The following CABIN1 variants were observed in gnomAD, a reference collection of about 807,000 sequenced individuals.
The protein encoded by CABIN1 is calcineurin-binding protein cabin-1.
A neutral mutation model predicts 227.7 loss-of-function variants in CABIN1; 133 were observed. The ratio of observed to expected loss-of-function variants is 0.58; its 90% CI spans 0.51 to 0.67. The LOEUF is 0.67. CABIN1 is among the 30% of genes least tolerant of loss of function. The probability of loss-of-function intolerance (pLI) is 0.00; values close to 1 mark genes in which losing one functional copy is unlikely to be tolerated. For synonymous variants in CABIN1, 1,086 were observed against 1,155.1 expected, an observed-to-expected ratio of 0.94 and a Z score of 1.21; for missense variants, 2,408 against 2,852.5, an observed-to-expected ratio of 0.84 and a Z score of 3.55.
At chr22:24,135,583 G>C (rs555316660) in intron 29 of CABIN1, among the ~76,000 whole-genome samples, 27 of 152,220 alleles carry the variant, frequency 1.8e-4, no homozygotes, top group Non-Finnish European at 3.1e-4. Context: ...CCTCTGTCCT[G>C]CATGGAGACA....
intron 12 of CABIN1, 63 bp from the exon 13 acceptor site, chr22:24,061,884 A>C: frequency 1.7e-6 from 2 of 1,176,952 alleles, no homozygotes; most frequent in East Asian, 4.7e-5. Flanking sequence ...ACAGCCCCCT[A>C]CCCCCCACAC....
chr22:24,051,018 G>C, intron 8 of CABIN1, 44 bp downstream of exon 8: 1 of 1,612,676 alleles, frequency 6.2e-7, no homozygotes, highest in Non-Finnish European at 8.5e-7. Flanking sequence ...CGGCCAGTAG[G>C]CCCTGTTGTG....
chr22:24,114,496 A>C (rs140275993), intron 27 of CABIN1, among the ~76,000 whole-genome samples: 262 of 152,332 alleles, frequency 1.7e-3, no homozygotes, highest in African/African-American at 6.2e-3. Flanking sequence ...GGTTCTCCCA[A>C]GCACCCTAGA....
At chr22:24,145,856 G>A (rs746082452) in intron 29 of CABIN1, among the ~76,000 whole-genome samples, 34 of 152,204 alleles carry the variant, frequency 2.2e-4, no homozygotes, top group Non-Finnish European at 4.3e-4. Context: ...ATGTCATCTG[G>A]TTTTCAGAAG....
intron 26 of CABIN1, among the ~76,000 whole-genome samples, chr22:24,108,513 C>A (rs1416633468): frequency 6.6e-6 from 1 of 152,216 alleles, no homozygotes; most frequent in Non-Finnish European, 1.5e-5. Context: ...CTGGTCAGGT[C>A]TGTGCTCCTC....
chr22:24,064,002 T>C (rs1569151751), intron 14 of CABIN1, 33 bp from the exon 15 acceptor site: 3 of 1,613,660 alleles, frequency 1.9e-6, no homozygotes, highest in Non-Finnish European at 2.5e-6. Context: ...AGTCTTCTGC[T>C]TTGGTTCCCT....
In CABIN1 at chr22:24,067,157, G is replaced by A. The variant is rs1422027453; in HGVS notation, c.2208G>A (p.Arg736=). Residue 736 remains arginine, a synonymous_variant, in exon 16 of 37, where the codon AGG becomes AGA. Transcript: ENST00000263119. ...HLEFMTSIPE[R]PAQLLLLQDS... ...AGTTTATGACTTCCATTCCTGAGAG[G>A]CCAGCCCAGCTGCTTCTTCTGCAGG... 1 of 1,614,226 alleles carries A rather than the reference G, an allele frequency of 6.2e-7. No homozygotes were observed. Among genetic ancestry groups the A allele is most frequent in the South Asian group, 1.1e-5 (1 of 91,088 alleles).
chr22:24,059,504 C>T, intron 11 of CABIN1, 141 bp downstream of exon 11: 2 of 1,040,470 alleles, frequency 1.9e-6, no homozygotes, highest in Non-Finnish European at 1.4e-6. Context: ...AGTCTTGGAC[C>T]TAAGCCCTGT....
intron 19 of CABIN1, among the ~76,000 whole-genome samples, chr22:24,079,738 C>T (rs2040686281): frequency 6.6e-6 from 1 of 152,096 alleles, no homozygotes; most frequent in Non-Finnish European, 1.5e-5. Flanking sequence ...GCCCATCTTT[C>T]TAGTGGTTTG....
At chr22:24,114,374 G>A (rs934411657) in intron 27 of CABIN1, among the ~76,000 whole-genome samples, 25 of 152,018 alleles carry the variant, frequency 1.6e-4, no homozygotes, top group Non-Finnish European at 2.4e-4. Flanking sequence ...CTATAGATTT[G>A]AGAGCTTTCC....
At chr22:24,114,052 T>C (rs2042949256) in intron 27 of CABIN1, among the ~76,000 whole-genome samples, 1 of 146,138 alleles carries the variant, frequency 6.8e-6, no homozygotes, top group South Asian at 2.2e-4. Flanking sequence ...ATCAGTGTGC[T>C]CTGTTTTTGT....
rs1601910235 is a variant in CABIN1 at position 24,071,255 on chromosome 22, T to C, written c.2475+213T>C. On this transcript the variant is annotated intron_variant, in intron 17 of 36. Coordinates refer to ENST00000263119, the MANE Select transcript of CABIN1 (RefSeq NM_012295.4). ...GGTCGGATCTGGGGATTAGAGACTGTGTAGCACTTGGTGCCATGGGGTTCT... is the reference window on the plus strand; with the variant it reads ...GGTCGGATCTGGGGATTAGAGACTGCGTAGCACTTGGTGCCATGGGGTTCT... 6 of 632,482 alleles carry C rather than the reference T, an allele frequency of 9.5e-6. No individual in the cohort carries two copies. The East Asian group carries it at 1.4e-4, about 15-fold the overall frequency. 39.2% of individuals were successfully genotyped at this position (632,482 alleles called of 1,614,324 possible).
chr22:24,134,492 C>T, intron 29 of CABIN1, 77 bp downstream of exon 29: 2 of 1,251,066 alleles, frequency 1.6e-6, no homozygotes, highest in Non-Finnish European at 2.3e-6. Flanking sequence ...AATTGACCCC[C>T]TAGGTGGGTG....
chr22:24,132,329 T>C (rs953231236), intron 28 of CABIN1, among the ~76,000 whole-genome samples: 6 of 152,226 alleles, frequency 3.9e-5, no homozygotes, highest in Non-Finnish European at 7.3e-5. Context: ...TTCCTTTTAA[T>C]GAAGCATACC....
At position 24,118,253 on chromosome 22, in the gene CABIN1, G is replaced by GC. The variant is rs201349520; in HGVS notation, c.4301-1113dup. The stretch of plus-strand genomic sequence containing the variant: ...GAGCAGTGGGGTGGGCTGCAGGGGA[G>GC]CAGGGAGGGAAGGTCAGACTAATAG... On this transcript the variant is annotated intron_variant, in intron 27 of 36. Coordinates refer to ENST00000263119, the MANE Select transcript of CABIN1 (RefSeq NM_012295.4). Among the ~76,000 whole-genome samples the GC allele has an allele frequency of 9.6e-3, 1,463 of 152,256 alleles. 30 individuals carry two copies. The highest frequency in any genetic ancestry group is 0.033 in the African/African-American group (1,374 of 41,526).
At chr22:24,155,709 C>T (rs1470298136) in intron 29 of CABIN1, 7 of 284,808 alleles carry the variant, frequency 2.5e-5, no homozygotes, top group Non-Finnish European at 3.9e-5. Context: ...CACATAGGCA[C>T]CGCCTGCAGA....
intron 16 of CABIN1, 81 bp downstream of exon 16, chr22:24,067,262 G>A: frequency 1.4e-6 from 2 of 1,429,556 alleles, no homozygotes; most frequent in South Asian, 2.4e-5. Flanking sequence ...AGGTTCTGCG[G>A]TAGTTCTTAA....
chr22:24,170,177 G>A (rs752042244), intron 33 of CABIN1: 16 of 456,976 alleles, frequency 3.5e-5, no homozygotes, highest in Non-Finnish European at 4.8e-5. Context: ...GCAGATTTGC[G>A]TTTCCTACCT....
At chr22:24,059,629 G>A (rs1721052138) in intron 11 of CABIN1, among the ~76,000 whole-genome samples, 1 of 152,200 alleles carries the variant, frequency 6.6e-6, no homozygotes, top group Non-Finnish European at 1.5e-5. Flanking sequence ...CCTGTTGAGT[G>A]TGTATCAGTG....
Sources: allele counts gnomAD v4.1 joint callset (sites outside exome capture counted in the v4.1 genomes callset), GRCh38; gene constraint gnomAD v4.1.1; transcripts MANE v1.5; gene names NCBI Gene and HGNC (gene_info 2026-07-23, HGNC 2026-07-21).